The following CDKAL1 variants were observed in gnomAD, a reference collection of about 807,000 sequenced individuals.
The protein encoded by CDKAL1 is threonylcarbamoyladenosine tRNA methylthiotransferase.
In CDKAL1, 32 loss-of-function variants were observed where a neutral mutation model predicts 68.2. That is an observed-to-expected ratio of 0.47 (90% CI 0.35 to 0.63). The LOEUF (loss-of-function observed/expected upper bound fraction) is 0.63, where lower values mean the gene tolerates loss of function less well. Among genes scored for constraint, CDKAL1 ranks in the 30% least tolerant of loss-of-function variants. CDKAL1 has a pLI of 0.00. For missense variants in CDKAL1, 606 were observed against 696.7 expected, an observed-to-expected ratio of 0.87 and a Z score of 1.47; for synonymous variants, 234 against 244.3, an observed-to-expected ratio of 0.96 and a Z score of 0.39.
intron 9 of CDKAL1, among the ~76,000 whole-genome samples, chr6:20,875,609 CT>C (rs1760472347): frequency 6.6e-6 from 1 of 152,024 alleles, no homozygotes; most frequent in African/African-American, 2.4e-5. Flanking sequence ...TGGGTATATC[CT>C]TTCTCTGTTC....
intron 5 of CDKAL1, among the ~76,000 whole-genome samples, chr6:20,733,227 C>A (rs1773037282): frequency 6.6e-6 from 1 of 152,176 alleles, no homozygotes; most frequent in Non-Finnish European, 1.5e-5. Flanking sequence ...GCTGTCCTTG[C>A]CATCTCCACA....
chr6:21,225,178 A>C (rs1426893059), intron 15 of CDKAL1, among the ~76,000 whole-genome samples: 1 of 152,154 alleles, frequency 6.6e-6, no homozygotes, highest in African/African-American at 2.4e-5. Context: ...TGACAAGACG[A>C]GCAGGCCCAC....
chr6:21,002,889 T>G (rs1267686862), intron 11 of CDKAL1, among the ~76,000 whole-genome samples: 1 of 151,982 alleles, frequency 6.6e-6, no homozygotes, highest in Admixed American at 6.6e-5. Flanking sequence ...CTTGGGAGGC[T>G]GAGGTGGGAG....
chr6:20,721,637 A>G (rs1562052572), intron 5 of CDKAL1, among the ~76,000 whole-genome samples: 1 of 151,444 alleles, frequency 6.6e-6, no homozygotes, highest in East Asian at 1.9e-4. Context: ...AGCAATCTCC[A>G]TACTATTTTC....
chr6:21,047,485 A>G (rs1273786621), intron 11 of CDKAL1, among the ~76,000 whole-genome samples: 2 of 152,220 alleles, frequency 1.3e-5, no homozygotes, highest in African/African-American at 4.8e-5. Flanking sequence ...CTCTGGGTGA[A>G]TAAAGCCTAT....
intron 8 of CDKAL1, among the ~76,000 whole-genome samples, chr6:20,825,665 G>A (rs544219256): frequency 2.6e-5 from 4 of 152,026 alleles, no homozygotes; most frequent in African/African-American, 7.2e-5. Context: ...TTGTGGCATC[G>A]AAGCATACCC....
At chr6:20,849,113 G>A (rs984224983) in intron 9 of CDKAL1, among the ~76,000 whole-genome samples, 2 of 151,958 alleles carry the variant, frequency 1.3e-5, no homozygotes, top group South Asian at 2.1e-4. Flanking sequence ...CAAGTACTTG[G>A]TGCTTTTTGC....
At chr6:20,839,463 T>A (rs1023140820) in intron 8 of CDKAL1, among the ~76,000 whole-genome samples, 2 of 152,184 alleles carry the variant, frequency 1.3e-5, no homozygotes, top group Admixed American at 1.3e-4. Context: ...TTTAAGTGTG[T>A]TGCTCTGTGA....
intron 11 of CDKAL1, among the ~76,000 whole-genome samples, chr6:21,036,535 G>C (rs899703155): frequency 3.3e-5 from 5 of 152,170 alleles, no homozygotes; most frequent in Non-Finnish European, 5.9e-5. Flanking sequence ...ATGAGATTCA[G>C]ATATTTTCCA....
At chr6:20,902,806 A>AG (rs1241358554) in intron 9 of CDKAL1, among the ~76,000 whole-genome samples, 1 of 152,182 alleles carries the variant, frequency 6.6e-6, no homozygotes, top group African/African-American at 2.4e-5. Flanking sequence ...GTTATTGGTA[A>AG]GGGGGGTGAC....
intron 7 of CDKAL1, among the ~76,000 whole-genome samples, chr6:20,771,883 C>T (rs1469201167): frequency 2.0e-5 from 3 of 152,300 alleles, no homozygotes; most frequent in African/African-American, 7.2e-5. Flanking sequence ...ATGCTGTTAC[C>T]ATACTTCCCG....
chr6:20,704,405 A>G (rs1163292753), intron 5 of CDKAL1, among the ~76,000 whole-genome samples: 1 of 152,154 alleles, frequency 6.6e-6, no homozygotes, highest in Non-Finnish European at 1.5e-5. Context: ...GACCTGAATG[A>G]AATAAGGTAA....
chr6:21,177,436 G>T (rs1777626454), intron 13 of CDKAL1, among the ~76,000 whole-genome samples: 1 of 152,146 alleles, frequency 6.6e-6, no homozygotes, highest in African/African-American at 2.4e-5. Flanking sequence ...GCATTGTAAT[G>T]ATTATGAATT....
chr6:20,649,146 C>T, intron 4 of CDKAL1, 147 bp from the exon 5 acceptor site: 1 of 608,872 alleles, frequency 1.6e-6, no homozygotes, highest in Non-Finnish European at 2.9e-6. Context: ...TTTCCATGTT[C>T]TAGCAATTTT....
intron 12 of CDKAL1, among the ~76,000 whole-genome samples, chr6:21,079,811 C>T (rs541769350): frequency 6.6e-6 from 1 of 152,330 alleles, no homozygotes; most frequent in South Asian, 2.1e-4. Flanking sequence ...CCCTCCAGCC[C>T]TCTTTCCTTG....
intron 2 of CDKAL1, among the ~76,000 whole-genome samples, chr6:20,544,889 G>T (rs189063255): frequency 3.3e-5 from 5 of 152,024 alleles, no homozygotes; most frequent in Admixed American, 6.6e-5. Flanking sequence ...AGTGTGTTGG[G>T]GTGCTTGATT....
At chr6:20,583,174 A>G (rs574548092) in intron 4 of CDKAL1, among the ~76,000 whole-genome samples, 13 of 152,108 alleles carry the variant, frequency 8.5e-5, no homozygotes, top group Non-Finnish European at 1.5e-4. Flanking sequence ...AGTGTTTTTC[A>G]TGCTGTTCTA....
At chr6:20,760,581 G>C (rs1774418986) in intron 7 of CDKAL1, among the ~76,000 whole-genome samples, 1 of 152,180 alleles carries the variant, frequency 6.6e-6, no homozygotes, top group Admixed American at 6.5e-5. Context: ...ATTGGGATTT[G>C]AATCCAGGCA....
At chr6:21,042,808 A>G (rs576154809) in intron 11 of CDKAL1, among the ~76,000 whole-genome samples, 11 of 152,064 alleles carry the variant, frequency 7.2e-5, no homozygotes, top group African/African-American at 2.7e-4. Flanking sequence ...AAACTTCTAT[A>G]TGCTGGTCCT....
Sources: gnomAD v4.1 joint callset for allele counts (sites outside exome capture counted in the v4.1 genomes callset) on GRCh38, gnomAD v4.1.1 for gene constraint, MANE v1.5 for transcripts, NCBI Gene and HGNC (gene_info 2026-07-23, HGNC 2026-07-21) for gene names.